SLIT3: variants seen among roughly 807,000 people sequenced by gnomAD.
SLIT3 encodes slit guidance ligand 3.
In SLIT3, 68 loss-of-function variants were observed where a neutral mutation model predicts 184.0. That is an observed-to-expected ratio of 0.37 (90% CI 0.30 to 0.45). SLIT3 has a LOEUF of 0.45. SLIT3 is among the 20% of genes least tolerant of loss of function. The probability of loss-of-function intolerance (pLI) is 1.00; values close to 1 mark genes in which losing one functional copy is unlikely to be tolerated. For synonymous variants in SLIT3, 831 were observed against 828.6 expected (o/e 1.00, Z -0.05); for missense variants, 1,707 against 2,026.0 (o/e 0.84, Z 3.02).
intron 4 of SLIT3, among the ~76,000 whole-genome samples, chr5:169,118,425 C>A (rs1446348936): frequency 6.6e-6 from 1 of 152,170 alleles, no homozygotes; most frequent in Non-Finnish European, 1.5e-5. Context: ...GGCCCAAATG[C>A]TCCTTTTAGT....
intron 4 of SLIT3, among the ~76,000 whole-genome samples, chr5:169,133,009 C>A (rs182611201): frequency 6.6e-6 from 1 of 152,284 alleles, no homozygotes; most frequent in Non-Finnish European, 1.5e-5. Flanking sequence ...TTTGCAACTA[C>A]CTCTTCAGTA....
chr5:169,297,656 A>G (rs894414552), intron 1 of SLIT3, among the ~76,000 whole-genome samples: 5 of 152,226 alleles, frequency 3.3e-5, no homozygotes, highest in Admixed American at 6.5e-5. Context: ...AACGTGCCCC[A>G]TGGCAACATG....
chr5:168,747,393 C>A (rs1164896206), intron 20 of SLIT3, among the ~76,000 whole-genome samples: 1 of 152,172 alleles, frequency 6.6e-6, no homozygotes, highest in African/African-American at 2.4e-5. Context: ...ATTTTGCTCG[C>A]CATTGTCTCT....
chr5:168,686,144 T>C (rs946989131), intron 30 of SLIT3, among the ~76,000 whole-genome samples: 4 of 152,144 alleles, frequency 2.6e-5, no homozygotes, highest in African/African-American at 9.7e-5. Context: ...GGGGTAGCCA[T>C]GGTGGCATGA....
chr5:168,757,595 G>A (rs560672992), intron 16 of SLIT3, among the ~76,000 whole-genome samples: 69 of 152,236 alleles, frequency 4.5e-4, no homozygotes, highest in Non-Finnish European at 6.5e-4. Context: ...CATTGCGCCC[G>A]GCTAATTTTT....
chr5:169,185,403 A>C (rs1275975161), intron 4 of SLIT3, among the ~76,000 whole-genome samples: 1 of 152,176 alleles, frequency 6.6e-6, no homozygotes, highest in Admixed American at 6.5e-5. Flanking sequence ...CCAGCGCACA[A>C]GGGAGCAGGT....
intron 5 of SLIT3, among the ~76,000 whole-genome samples, chr5:168,856,256 C>A (rs1364195944): frequency 6.6e-6 from 1 of 152,194 alleles, no homozygotes; most frequent in Non-Finnish European, 1.5e-5. Context: ...GTGAAGCTTG[C>A]TCTTTCCATG....
intron 11 of SLIT3, among the ~76,000 whole-genome samples, chr5:168,788,597 T>C (rs76766676): frequency 7.5e-6 from 1 of 132,786 alleles, no homozygotes; most frequent in African/African-American, 4.2e-5. Context: ...CAAAACAAGA[T>C]TTTTTTTTGA....
intron 4 of SLIT3, among the ~76,000 whole-genome samples, chr5:169,119,467 A>G (rs1464531387): frequency 3.3e-5 from 5 of 152,264 alleles, no homozygotes; most frequent in African/African-American, 1.2e-4. Context: ...AGGAAGGACT[A>G]ACAGGAATGA....
intron 4 of SLIT3, among the ~76,000 whole-genome samples, chr5:169,178,012 A>C (rs1246734170): frequency 6.6e-6 from 1 of 152,208 alleles, no homozygotes; most frequent in Non-Finnish European, 1.5e-5. Flanking sequence ...AAAGTACATC[A>C]TGACAGCAAC....
At chr5:168,867,717 C>T (rs985254949) in intron 5 of SLIT3, among the ~76,000 whole-genome samples, 8 of 152,180 alleles carry the variant, frequency 5.3e-5, no homozygotes, top group African/African-American at 7.2e-5. Context: ...TTGCCTCCCC[C>T]GAGCCTTCTT....
intron 4 of SLIT3, among the ~76,000 whole-genome samples, chr5:168,935,924 G>T (rs1289502484): frequency 6.6e-6 from 1 of 152,178 alleles, no homozygotes; most frequent in African/African-American, 2.4e-5. Context: ...AAGCAAATCT[G>T]TTTATATTTG....
chr5:169,168,711 A>G lies in SLIT3; in HGVS notation c.413+24768T>C, dbSNP rs531484223. Among the ~76,000 whole-genome samples the G allele has an allele frequency of 9.8e-5, 15 of 152,348 alleles. No homozygotes were observed. In the South Asian group the frequency reaches 2.9e-3, roughly 29 times the overall value. On this transcript the variant is annotated intron_variant, in intron 4 of 35. Transcript: ENST00000519560. ...TCAGACCCAGATCTGTCTGGTTTTC[A>G]TACTTTTAAACCACTCAGTTACACC... is the stretch of plus-strand genomic sequence containing the variant.
intron 20 of SLIT3, among the ~76,000 whole-genome samples, chr5:168,727,997 C>T (rs769792728): frequency 3.9e-5 from 6 of 152,074 alleles, no homozygotes; most frequent in East Asian, 1.9e-4. Flanking sequence ...CAGGGAGATC[C>T]GAGGGAGTTG....
intron 4 of SLIT3, among the ~76,000 whole-genome samples, chr5:168,911,765 A>G (rs1283874525): frequency 1.3e-5 from 2 of 152,234 alleles, no homozygotes; most frequent in Non-Finnish European, 2.9e-5. Flanking sequence ...GTGTGGTTTT[A>G]GAGAAACCTT....
chr5:169,008,776 G>A (rs10045549), intron 4 of SLIT3, among the ~76,000 whole-genome samples: 34,554 of 152,084 alleles, frequency 0.23, 4,185 homozygotes, highest in East Asian at 0.51. Flanking sequence ...CAAATGGAAA[G>A]TATTCCTGCC....
At chr5:169,171,444 A>G (rs1349744986) in intron 4 of SLIT3, among the ~76,000 whole-genome samples, 1 of 152,216 alleles carries the variant, frequency 6.6e-6, no homozygotes, top group African/African-American at 2.4e-5. Flanking sequence ...AAAAAGTACA[A>G]GTGTCTGTTG....
chr5:169,039,976 T>C (rs1179501145), intron 4 of SLIT3, among the ~76,000 whole-genome samples: 1 of 152,238 alleles, frequency 6.6e-6, no homozygotes, highest in African/African-American at 2.4e-5. Context: ...GACCCTATCA[T>C]TTAGTGTATA....
chr5:169,084,541 C>T (rs1442749919), intron 4 of SLIT3, among the ~76,000 whole-genome samples: 1 of 150,422 alleles, frequency 6.6e-6, no homozygotes, highest in Non-Finnish European at 1.5e-5. Context: ...CTCCTGACCT[C>T]AGGTGATCCA....
Sources: gnomAD v4.1 joint callset for allele counts (sites outside exome capture counted in the v4.1 genomes callset) on GRCh38, gnomAD v4.1.1 for gene constraint, MANE v1.5 for transcripts, NCBI Gene and HGNC (gene_info 2026-07-23, HGNC 2026-07-21) for gene names.